Variants in PKHD1 observed in about 807,000 individuals in gnomAD.
PKHD1 encodes fibrocystin.
PKHD1 carries 291 observed loss-of-function variants against 412.0 expected under a neutral mutation model. That is an observed-to-expected ratio of 0.71 (90% CI 0.64 to 0.78). PKHD1 has a LOEUF of 0.78. Ranked by LOEUF, PKHD1 falls within the 30% of genes least tolerant of loss-of-function variation. The probability of loss-of-function intolerance (pLI) is 0.00; values close to 1 mark genes in which losing one functional copy is unlikely to be tolerated. For synonymous variants in PKHD1, 1,777 were observed against 1,821.5 expected (o/e 0.98, Z 0.62); for missense variants, 4,825 against 4,950.7 (o/e 0.97, Z 0.76).
At chr6:51,726,561 T>A (rs1380178006) in intron 60 of PKHD1, among the ~76,000 whole-genome samples, 9 of 152,158 alleles carry the variant, frequency 5.9e-5, no homozygotes, top group African/African-American at 2.2e-4. Context: ...CATTACCGCT[T>A]CATCCCCCTC....
In PKHD1 at chr6:51,748,626, C is replaced by T; in HGVS notation, c.8990G>A (p.Gly2997Glu). ...QLLNVEIQNF[G>E]SPLYSSVEFS... ...TTCAACAGATGAGTACAATGGTGAC[C>T]CGAAGTTCTGAATTTCCACATTAAG... The change falls in exon 58 of 67, where the codon GGG (glycine) becomes GAG (glutamate). Residue 2997 changes from glycine to glutamate, a missense_variant. By Grantham distance (98) the Gly-to-Glu change is moderately conservative. Coordinates refer to ENST00000371117, the MANE Select transcript of PKHD1 (RefSeq NM_138694.4). 6.2e-7 allele frequency: 1 copy of T among 1,613,666 alleles called. No individual in the cohort carries two copies. The highest frequency in any genetic ancestry group is 8.5e-7 in the Non-Finnish European group (1 of 1,179,780).
chr6:51,700,400 T>A (rs534474840), intron 60 of PKHD1, among the ~76,000 whole-genome samples: 1 of 152,226 alleles, frequency 6.6e-6, no homozygotes, highest in East Asian at 1.9e-4. Context: ...CCTCCCCACC[T>A]TCTTTCTCTG....
intron 52 of PKHD1, among the ~76,000 whole-genome samples, chr6:51,820,998 T>C (rs187301252): frequency 6.6e-6 from 1 of 152,308 alleles, no homozygotes; most frequent in Admixed American, 6.5e-5. Flanking sequence ...AAAGCCCTGC[T>C]CTGCATTAAA....
At chr6:51,868,594 T>C (rs537871333) in intron 47 of PKHD1, among the ~76,000 whole-genome samples, 1 of 151,270 alleles carries the variant, frequency 6.6e-6, no homozygotes, top group Admixed American at 6.6e-5. Context: ...TCTGGTCTAG[T>C]GGGAAATAGA....
chr6:51,956,384 T>C (rs1417576113), intron 36 of PKHD1, among the ~76,000 whole-genome samples: 1 of 151,956 alleles, frequency 6.6e-6, no homozygotes, highest in African/African-American at 2.4e-5. Flanking sequence ...GGAAAAGTGG[T>C]ATTTAAGAGA....
intron 60 of PKHD1, among the ~76,000 whole-genome samples, chr6:51,709,324 G>T (rs554308573): frequency 6.6e-6 from 1 of 152,148 alleles, no homozygotes; most frequent in African/African-American, 2.4e-5. Flanking sequence ...CCACAAAAAG[G>T]CCATGGAAAC....
chr6:51,653,333 G>C (rs1771267411), intron 61 of PKHD1, among the ~76,000 whole-genome samples: 1 of 152,106 alleles, frequency 6.6e-6, no homozygotes, highest in South Asian at 2.1e-4. Context: ...TCCTAAGAGG[G>C]AAGAAATGTC....
At chr6:51,993,256 T>C (rs936695803) in intron 35 of PKHD1, among the ~76,000 whole-genome samples, 5 of 152,214 alleles carry the variant, frequency 3.3e-5, no homozygotes, top group Non-Finnish European at 7.3e-5. Flanking sequence ...TTGGTGATTC[T>C]TCCAGCCTGG....
chr6:51,639,907 T>C (rs1283180919), intron 63 of PKHD1, among the ~76,000 whole-genome samples: 1 of 152,210 alleles, frequency 6.6e-6, no homozygotes, highest in East Asian at 1.9e-4. Flanking sequence ...TGCTTAATCT[T>C]TTTGTGAAAA....
chr6:52,062,544 A>G lies in PKHD1; in HGVS notation c.1093T>C (p.Trp365Arg). Residue 365 changes from tryptophan (W) to arginine (R), a missense_variant, in exon 14 of 67, where the codon TGG (tryptophan) becomes CGG (arginine). Physicochemically the swap from Trp to Arg is moderately radical, Grantham distance 101 (BLOSUM62 -3). Coordinates refer to ENST00000371117, the MANE Select transcript of PKHD1 (RefSeq NM_138694.4). ...CTGAAAGGTTGTCCTTCCTGTGACCAAAACCCAAATGGAGAACTGGCATTA... is the reference window on the plus strand; with the variant it reads ...CTGAAAGGTTGTCCTTCCTGTGACCGAAACCCAAATGGAGAACTGGCATTA... Reference protein sequence around the residue: ...VPNASSPFGFWSQEGQPFRAR... With the variant: ...VPNASSPFGFRSQEGQPFRAR... 6.2e-7 allele frequency: 1 copy of G among 1,614,128 alleles called. No homozygotes were observed. Among genetic ancestry groups the G allele is most frequent in the Non-Finnish European group, 8.5e-7 (1 of 1,179,960 alleles).
chr6:51,644,533 C>T (rs1008324965), intron 63 of PKHD1, among the ~76,000 whole-genome samples: 11 of 152,102 alleles, frequency 7.2e-5, no homozygotes, highest in African/African-American at 2.7e-4. Context: ...AAATCATGGC[C>T]TATTCTTGGA....
intron 23 of PKHD1, 33 bp downstream of exon 23, chr6:52,048,459 T>C (rs773326199): frequency 1.2e-6 from 2 of 1,608,948 alleles, no homozygotes; most frequent in South Asian, 2.2e-5. Flanking sequence ...AATATGTGAG[T>C]GAGAATTGTT....
At chr6:51,771,104 T>A (rs371670265) in intron 55 of PKHD1, among the ~76,000 whole-genome samples, 2 of 151,754 alleles carry the variant, frequency 1.3e-5, no homozygotes, top group East Asian at 3.9e-4. Flanking sequence ...ATTGTGTAAA[T>A]CTATCCCTTG....
At chr6:51,639,917 A>T (rs1488453534) in intron 63 of PKHD1, among the ~76,000 whole-genome samples, 1 of 152,188 alleles carries the variant, frequency 6.6e-6, no homozygotes, top group Non-Finnish European at 1.5e-5. Flanking sequence ...TTTTGTGAAA[A>T]CACTGTCTTT....
intron 55 of PKHD1, among the ~76,000 whole-genome samples, chr6:51,758,730 A>T (rs1469580014): frequency 6.6e-6 from 1 of 152,198 alleles, no homozygotes; most frequent in African/African-American, 2.4e-5. Context: ...CTAAGAAAAT[A>T]TAAACAAAAT....
chr6:52,032,811 AT>A (rs1415918852), intron 29 of PKHD1, among the ~76,000 whole-genome samples: 2 of 152,190 alleles, frequency 1.3e-5, no homozygotes, highest in African/African-American at 4.8e-5. Flanking sequence ...CCTTTTCATG[AT>A]GGAAATGGTC....
At chr6:51,811,739 T>C (rs1384647042) in intron 52 of PKHD1, among the ~76,000 whole-genome samples, 1 of 152,168 alleles carries the variant, frequency 6.6e-6, no homozygotes, top group African/African-American at 2.4e-5. Context: ...AACTGATATG[T>C]AGTAAAATAC....
At chr6:52,060,896 A>G (rs1163098920) in intron 14 of PKHD1, among the ~76,000 whole-genome samples, 1 of 152,146 alleles carries the variant, frequency 6.6e-6, no homozygotes, top group Non-Finnish European at 1.5e-5. Context: ...TTTTAATTTA[A>G]AATTTTTAGA....
intron 55 of PKHD1, among the ~76,000 whole-genome samples, chr6:51,767,453 C>T (rs1011490944): frequency 1.1e-4 from 16 of 152,008 alleles, no homozygotes; most frequent in Admixed American, 9.8e-4. Flanking sequence ...CGTCATTTAG[C>T]TATCCCTCCC....
Sources: allele counts gnomAD v4.1 joint callset (sites outside exome capture counted in the v4.1 genomes callset), GRCh38; gene constraint gnomAD v4.1.1; transcripts MANE v1.5; gene names NCBI Gene and HGNC (gene_info 2026-07-23, HGNC 2026-07-21).